The following KLHL1 variants were observed in gnomAD, a reference collection of about 807,000 sequenced individuals.
KLHL1 encodes kelch-like protein 1.
KLHL1 carries 47 observed loss-of-function variants against 77.7 expected under a neutral mutation model. That is an observed-to-expected ratio of 0.60 (90% CI 0.48 to 0.77). KLHL1 has a LOEUF of 0.77. Ranked by LOEUF, KLHL1 falls within the 30% of genes least tolerant of loss-of-function variation. The pLI, the probability that KLHL1 is intolerant of heterozygous loss-of-function variation, is 0.00. For missense variants in KLHL1, 925 were observed against 910.8 expected (o/e 1.02, Z -0.20); for synonymous variants, 360 against 325.2 (o/e 1.11, Z -1.15).
At chr13:69,812,401 A>G (rs139697396) in intron 6 of KLHL1, among the ~76,000 whole-genome samples, 7,503 of 152,210 alleles carry the variant, frequency 0.049, 607 homozygotes, top group African/African-American at 0.17. Context: ...TACCATTCAG[A>G]ACATAGGCAT....
intron 7 of KLHL1, among the ~76,000 whole-genome samples, chr13:69,772,245 TC>T (rs1369828541): frequency 1.3e-5 from 2 of 151,992 alleles, no homozygotes; most frequent in African/African-American, 4.8e-5. Flanking sequence ...GTATGGTATA[TC>T]TATTATAATA....
chr13:70,049,160 G>A (rs1269683869), intron 1 of KLHL1, among the ~76,000 whole-genome samples: 1 of 151,744 alleles, frequency 6.6e-6, no homozygotes, highest in Non-Finnish European at 1.5e-5. Flanking sequence ...TCCTGGAAGA[G>A]ACTATTAAAA....
chr13:70,105,235 T>C (rs536435334), intron 1 of KLHL1, among the ~76,000 whole-genome samples: 142 of 152,092 alleles, frequency 9.3e-4, no homozygotes, highest in African/African-American at 3.3e-3. Flanking sequence ...TAATAAACTA[T>C]TTTCAAAAGT....
chr13:69,899,489 G>A (rs554369701), intron 4 of KLHL1, among the ~76,000 whole-genome samples: 1 of 152,258 alleles, frequency 6.6e-6, no homozygotes, highest in African/African-American at 2.4e-5. Context: ...CAAGAAATTT[G>A]TGAAAAAGGA....
chr13:69,801,362 TGTTTAA>T (rs1877371653), intron 6 of KLHL1, among the ~76,000 whole-genome samples: 1 of 152,196 alleles, frequency 6.6e-6, no homozygotes, highest in Admixed American at 6.5e-5. Flanking sequence ...ATTTAAATAA[TGTTTAA>T]GTACATAAAA....
Position 69,747,783 on chromosome 13 carries a change from T to C in KLHL1, c.1640-7227A>G, listed in dbSNP as rs1291188932. 2.6e-5 allele frequency among the ~76,000 whole-genome samples: 4 copies of C among 151,954 alleles called. No homozygotes were observed. In the Admixed American group the frequency reaches 2.6e-4, roughly 10 times the overall value. ...TTAGGAATTGAGAAGTCTTATATATTGCTGATGAATTGAAACTTAGGAACA... is the reference window on the plus strand; with the variant it reads ...TTAGGAATTGAGAAGTCTTATATATCGCTGATGAATTGAAACTTAGGAACA... On this transcript the variant is annotated intron_variant, in intron 7 of 10. Coordinates refer to ENST00000377844, the MANE Select transcript of KLHL1 (RefSeq NM_020866.3).
At chr13:70,089,232 A>T (rs1009619190) in intron 1 of KLHL1, among the ~76,000 whole-genome samples, 2 of 152,170 alleles carry the variant, frequency 1.3e-5, no homozygotes, top group African/African-American at 4.8e-5. Flanking sequence ...GACTAATGCC[A>T]GATGCTTCTT....
chr13:69,809,658 A>C (rs1344881312), intron 6 of KLHL1, among the ~76,000 whole-genome samples: 1 of 152,148 alleles, frequency 6.6e-6, no homozygotes, highest in African/African-American at 2.4e-5. Flanking sequence ...CAAAGCAACT[A>C]GCTAACAACA....
chr13:69,870,126 T>A (rs1212986086), intron 5 of KLHL1, among the ~76,000 whole-genome samples: 1 of 152,156 alleles, frequency 6.6e-6, no homozygotes, highest in Admixed American at 6.6e-5. Context: ...ATAAAATAGT[T>A]GTATTTCTCT....
chr13:69,789,270 A>G (rs1593834147), intron 7 of KLHL1, among the ~76,000 whole-genome samples: 1 of 151,652 alleles, frequency 6.6e-6, no homozygotes, highest in Non-Finnish European at 1.5e-5. Context: ...ATTATTTTAC[A>G]TGTCTGTCTG....
intron 2 of KLHL1, among the ~76,000 whole-genome samples, chr13:69,970,551 C>T (rs1593636917): frequency 6.6e-6 from 1 of 152,016 alleles, no homozygotes; most frequent in African/African-American, 2.4e-5. Flanking sequence ...TGGACTTGGC[C>T]TAACAGGAGC....
At chr13:69,731,307 C>T (rs1057396831) in intron 8 of KLHL1, among the ~76,000 whole-genome samples, 1 of 152,144 alleles carries the variant, frequency 6.6e-6, no homozygotes, top group African/African-American at 2.4e-5. Context: ...CAAGAAATTA[C>T]TTTTAGAAAA....
intron 7 of KLHL1, among the ~76,000 whole-genome samples, chr13:69,762,857 T>A (rs1209573802): frequency 6.6e-6 from 1 of 151,818 alleles, no homozygotes; most frequent in Non-Finnish European, 1.5e-5. Flanking sequence ...GTTTCCAACC[T>A]TATACATGGG....
chr13:70,025,007 G>A (rs540023285), intron 1 of KLHL1, among the ~76,000 whole-genome samples: 5 of 152,020 alleles, frequency 3.3e-5, no homozygotes, highest in African/African-American at 1.2e-4. Flanking sequence ...CCTCACAATA[G>A]TCTCATGAAG....
intron 4 of KLHL1, among the ~76,000 whole-genome samples, chr13:69,907,312 C>A (rs1716131780): frequency 6.6e-6 from 1 of 152,018 alleles, no homozygotes; most frequent in South Asian, 2.1e-4. Flanking sequence ...TCAAATACCA[C>A]AACCAACACT....
At chr13:69,770,111 C>T (rs951131728) in intron 7 of KLHL1, among the ~76,000 whole-genome samples, 1 of 152,122 alleles carries the variant, frequency 6.6e-6, no homozygotes, top group Non-Finnish European at 1.5e-5. Context: ...CAGGAGAGAG[C>T]TATAACACCC....
intron 1 of KLHL1, among the ~76,000 whole-genome samples, chr13:70,059,966 TA>T (rs1424248600): frequency 1.3e-5 from 2 of 152,072 alleles, no homozygotes; most frequent in African/African-American, 4.8e-5. Flanking sequence ...CCTCCTCCAA[TA>T]TTGGGAATTG....
In KLHL1 at chr13:69,774,641, T is replaced by C. The variant is rs139073156; in HGVS notation, c.1639+22097A>G. Among the ~76,000 whole-genome samples, 1,435 of 150,418 alleles carry C rather than the reference T, an allele frequency of 9.5e-3. 21 individuals carry two copies. Among genetic ancestry groups the C allele is most frequent in the African/African-American group, 0.032 (1,321 of 41,226 alleles). ...ATATTCTTTTATTCCTTTATTTTCC[T>C]AATAAACTTGCCTTCACTTAATAAA... On this transcript the variant is annotated intron_variant, in intron 7 of 10. Coordinates refer to ENST00000377844, the MANE Select transcript of KLHL1 (RefSeq NM_020866.3).
intron 1 of KLHL1, among the ~76,000 whole-genome samples, chr13:69,999,446 T>G (rs936686705): frequency 6.6e-6 from 1 of 152,126 alleles, no homozygotes; most frequent in Non-Finnish European, 1.5e-5. Flanking sequence ...ATACATTTTT[T>G]GCTTAAAATT....
Sources: gnomAD v4.1 joint callset for allele counts (sites outside exome capture counted in the v4.1 genomes callset) on GRCh38, gnomAD v4.1.1 for gene constraint, MANE v1.5 for transcripts, NCBI Gene and HGNC (gene_info 2026-07-23, HGNC 2026-07-21) for gene names.